Variants in BNC2 observed in about 807,000 individuals in gnomAD.
BNC2 encodes the protein zinc finger protein basonuclin-2.
BNC2 carries 20 observed loss-of-function variants against 76.3 expected under a neutral mutation model. The ratio of observed to expected loss-of-function variants is 0.26; its 90% CI spans 0.18 to 0.38. The LOEUF (loss-of-function observed/expected upper bound fraction) is 0.38, where lower values mean the gene tolerates loss of function less well. BNC2 is among the 10% of genes least tolerant of loss of function. The pLI, the probability that BNC2 is intolerant of heterozygous loss-of-function variation, is 1.00. For synonymous variants in BNC2, 582 were observed against 514.8 expected (o/e 1.13, Z -1.77); for missense variants, 1,382 against 1,399.8 (o/e 0.99, Z 0.20).
chr9:16,548,383 ATTCTTC>A lies in BNC2; in HGVS notation c.669+4141_669+4146del, dbSNP rs555793995. Among the ~76,000 whole-genome samples the A allele has an allele frequency of 4.6e-4, 69 of 150,980 alleles. 1 individual carries two copies. The highest frequency in any genetic ancestry group is 2.5e-3 in the Admixed American group (37 of 15,090). ...CACAAGATACAGACCTGAACTAAGA[ATTCTTC>A]TTCTTCTTCTTCTTCGTTTTTTTTT... On this transcript the variant is annotated intron_variant, in intron 5 of 6. Coordinates refer to ENST00000380672, the MANE Select transcript of BNC2 (RefSeq NM_017637.6).
intron 3 of BNC2, among the ~76,000 whole-genome samples, chr9:16,632,721 C>T (rs1821199609): frequency 6.6e-6 from 1 of 152,178 alleles, no homozygotes; most frequent in Admixed American, 6.5e-5. Flanking sequence ...CTGAATGAGA[C>T]ACCCATCCCA....
At position 16,869,881 on chromosome 9, in the gene BNC2, T is replaced by C. The variant is rs186984523; in HGVS notation, c.3+765A>G. 4.6e-5 allele frequency among the ~76,000 whole-genome samples: 7 copies of C among 152,272 alleles called. No homozygotes were observed. The East Asian group carries it at 1.4e-3, about 30-fold the overall frequency. ...TCACAGGAGATTTCACCTAGGGTTT[T>C]TCAGCATATATAATTTTTTATTCTG... On this transcript the variant is annotated intron_variant, in intron 1 of 6. Transcript: ENST00000380672.
intron 3 of BNC2, among the ~76,000 whole-genome samples, chr9:16,675,517 C>T (rs1382079692): frequency 6.6e-6 from 1 of 152,184 alleles, no homozygotes; most frequent in Non-Finnish European, 1.5e-5. Context: ...ACCTCGCCCA[C>T]CTTCCAAAAT....
intron 5 of BNC2, among the ~76,000 whole-genome samples, chr9:16,467,253 C>T (rs1480282071): frequency 0.024 from 1,616 of 66,968 alleles, 97 homozygotes; most frequent in African/African-American, 0.094. Flanking sequence ...ACTAGTTCAA[C>T]CATTGTGGAA....
At chr9:16,677,521 C>A (rs914881224) in intron 3 of BNC2, among the ~76,000 whole-genome samples, 1 of 151,592 alleles carries the variant, frequency 6.6e-6, no homozygotes, top group African/African-American at 2.4e-5. Flanking sequence ...TGCAGTGAGC[C>A]AAGATCGCGC....
intron 3 of BNC2, among the ~76,000 whole-genome samples, chr9:16,647,877 C>A (rs1821680054): frequency 6.6e-6 from 1 of 152,112 alleles, no homozygotes; most frequent in Non-Finnish European, 1.5e-5. Flanking sequence ...ATTCCACTGC[C>A]ATGAACTATA....
intron 1 of BNC2, among the ~76,000 whole-genome samples, chr9:16,759,500 A>G (rs1360187256): frequency 3.9e-5 from 6 of 152,186 alleles, no homozygotes; most frequent in Non-Finnish European, 8.8e-5. Flanking sequence ...AACACTATCT[A>G]TATGACTCAG....
chr9:16,589,455 G>A (rs1819862482), intron 3 of BNC2, among the ~76,000 whole-genome samples: 1 of 151,844 alleles, frequency 6.6e-6, no homozygotes, highest in Non-Finnish European at 1.5e-5. Context: ...CAAAGTGCTG[G>A]GATTATAGGT....
chr9:16,818,192 C>G (rs7847585), intron 1 of BNC2, among the ~76,000 whole-genome samples: 78 of 152,220 alleles, frequency 5.1e-4, no homozygotes, highest in African/African-American at 1.4e-3. Context: ...ATCACGAGGT[C>G]AGGAAATCAA....
At chr9:16,716,779 G>C (rs1587347514) in intron 3 of BNC2, among the ~76,000 whole-genome samples, 1 of 152,192 alleles carries the variant, frequency 6.6e-6, no homozygotes, top group Non-Finnish European at 1.5e-5. Context: ...TGCACCACAT[G>C]CTTGAAAGAT....
intron 5 of BNC2, among the ~76,000 whole-genome samples, chr9:16,505,859 T>C (rs1177974552): frequency 6.6e-6 from 1 of 152,018 alleles, no homozygotes; most frequent in Non-Finnish European, 1.5e-5. Flanking sequence ...AAGGCCAGAG[T>C]CTCATTTTAG....
chr9:16,693,921 A>T (rs1823257999), intron 3 of BNC2, among the ~76,000 whole-genome samples: 1 of 152,208 alleles, frequency 6.6e-6, no homozygotes, highest in Non-Finnish European at 1.5e-5. Context: ...GAACTCAGCC[A>T]TTGGGTTTGC....
intron 3 of BNC2, among the ~76,000 whole-genome samples, chr9:16,603,007 A>C (rs935434951): frequency 6.6e-6 from 1 of 152,206 alleles, no homozygotes; most frequent in Non-Finnish European, 1.5e-5. Context: ...AATTTTTGGG[A>C]ATTTCCGAAA....
At position 16,436,382 on chromosome 9, in the gene BNC2, G is replaced by A. The variant is rs936836401; in HGVS notation, c.1812C>T (p.His604=). 1.9e-6 allele frequency: 3 copies of A among 1,614,184 alleles called. No individual in the cohort carries two copies. Among genetic ancestry groups the A allele is most frequent in the South Asian group, 1.1e-5 (1 of 91,086 alleles). The change falls in exon 6 of 7, where the codon CAC becomes CAT. Residue 604 remains histidine (H), a synonymous_variant. Coordinates refer to ENST00000380672, the MANE Select transcript of BNC2 (RefSeq NM_017637.6). ...CTACTGGCTCAGAGGGTGGCGGGGGGTGCTGCTCTATGGTACCACTGGTTG... is the reference window on the plus strand; with the variant it reads ...CTACTGGCTCAGAGGGTGGCGGGGGATGCTGCTCTATGGTACCACTGGTTG... ...IIPTSGTIEQ[H]PPPPSEPVVP...
chr9:16,768,319 G>C (rs1396244651), intron 1 of BNC2, among the ~76,000 whole-genome samples: 1 of 152,100 alleles, frequency 6.6e-6, no homozygotes, highest in African/African-American at 2.4e-5. Context: ...TAGTGGCAGT[G>C]AAGGTAGGGA....
intron 5 of BNC2, among the ~76,000 whole-genome samples, chr9:16,446,005 G>A (rs555020520): frequency 2.0e-5 from 3 of 152,268 alleles, no homozygotes; most frequent in African/African-American, 7.2e-5. Flanking sequence ...TATTAAAGAA[G>A]TTCCCATCAA....
chr9:16,561,922 T>G (rs531835205), intron 4 of BNC2, among the ~76,000 whole-genome samples: 2 of 152,226 alleles, frequency 1.3e-5, no homozygotes, highest in Non-Finnish European at 2.9e-5. Flanking sequence ...GAGGATCACT[T>G]GAGCCCACGG....
At chr9:16,511,781 T>C (rs1822763045) in intron 5 of BNC2, among the ~76,000 whole-genome samples, 2 of 152,120 alleles carry the variant, frequency 1.3e-5, no homozygotes, top group African/African-American at 2.4e-5. Flanking sequence ...AAAGACCTTT[T>C]GCCGATAAAG....
chr9:16,432,913 G>A (rs909303154), intron 6 of BNC2, among the ~76,000 whole-genome samples: 8 of 152,234 alleles, frequency 5.3e-5, no homozygotes, highest in Non-Finnish European at 7.3e-5. Flanking sequence ...GAAGAGACAG[G>A]AGAAGGTAAG....
Sources: gnomAD v4.1 joint callset for allele counts (sites outside exome capture counted in the v4.1 genomes callset) on GRCh38, gnomAD v4.1.1 for gene constraint, MANE v1.5 for transcripts, NCBI Gene and HGNC (gene_info 2026-07-23, HGNC 2026-07-21) for gene names.